RASA3: variants seen among roughly 807,000 people sequenced by gnomAD.
RASA3 encodes the protein ras GTPase-activating protein 3.
A neutral mutation model predicts 110.0 loss-of-function variants in RASA3; 73 were observed. That is an observed-to-expected ratio of 0.66 (90% CI 0.55 to 0.81). The LOEUF (loss-of-function observed/expected upper bound fraction) is 0.81. Among genes scored for constraint, RASA3 ranks in the 30% least tolerant of loss-of-function variants. The pLI is 0.00. For synonymous variants in RASA3, 500 were observed against 451.4 expected (o/e 1.11, Z -1.37); for missense variants, 976 against 1,113.2 (o/e 0.88, Z 1.75).
chr13:114,007,904 G>A (rs571220057), intron 17 of RASA3, among the ~76,000 whole-genome samples: 8 of 152,350 alleles, frequency 5.3e-5, no homozygotes, highest in East Asian at 1.9e-4. Flanking sequence ...TCTGGGTCCC[G>A]GTAGTGAGGA....
At chr13:113,993,822 A>AAAG (rs1555324870) in intron 21 of RASA3, among the ~76,000 whole-genome samples, 28 of 146,228 alleles carry the variant, frequency 1.9e-4, no homozygotes, top group African/African-American at 6.8e-4. Context: ...AAAAAAAAAA[A>AAAG]AAAAAAAAAG....
rs145101424 is a variant in RASA3 at position 113,977,912 on chromosome 13, G to C, written c.*1435C>G. 5.8e-3 allele frequency: 880 copies of C among 152,472 alleles called. 24 individuals are homozygous for C. The highest frequency in any genetic ancestry group is 0.057 in the East Asian group (297 of 5,194). 9.4% of individuals were successfully genotyped at this position (152,472 alleles called of 1,614,324 possible). On this transcript the variant is annotated 3_prime_UTR_variant, in exon 24 of 24. Coordinates refer to ENST00000334062, the MANE Select transcript of RASA3 (RefSeq NM_007368.4). Reference sequence around the variant, plus strand: ...GCAGCTCAGTGCAGCCCCAACAGCTGTGTGTCCAAAAGTCTATTTTTACAA... The same window carrying C: ...GCAGCTCAGTGCAGCCCCAACAGCTCTGTGTCCAAAAGTCTATTTTTACAA...
At chr13:114,039,888 C>T (rs1367604965) in intron 4 of RASA3, among the ~76,000 whole-genome samples, 1 of 152,204 alleles carries the variant, frequency 6.6e-6, no homozygotes, top group Non-Finnish European at 1.5e-5. Context: ...TCCCGGCAAG[C>T]CAGGGTGAGC....
chr13:114,046,826 C>T (rs977343330), intron 3 of RASA3, among the ~76,000 whole-genome samples: 3 of 152,172 alleles, frequency 2.0e-5, no homozygotes, highest in Admixed American at 6.5e-5. Context: ...AAGTCATCAA[C>T]GGAGGAAGGG....
intron 3 of RASA3, among the ~76,000 whole-genome samples, chr13:114,051,444 G>A (rs2079145069): frequency 6.6e-6 from 1 of 152,208 alleles, no homozygotes; most frequent in African/African-American, 2.4e-5. Flanking sequence ...GGAGCTCCCC[G>A]AGTAACCTGA....
Position 114,112,726 on chromosome 13 carries a change from A to G in RASA3, c.55+19709T>C, listed in dbSNP as rs1280918175. ...GTGGCCAGCGTGGTCCTCCTTTCCCACAGCCAAGGTGCCCCGACTGCCAGC... is the reference window on the plus strand; with the variant it reads ...GTGGCCAGCGTGGTCCTCCTTTCCCGCAGCCAAGGTGCCCCGACTGCCAGC... On this transcript the variant is annotated intron_variant, in intron 1 of 23. Transcript: ENST00000334062. The surrounding 1 kb of genome is among the most constrained non-coding windows in gnomAD (Gnocchi z 4.8). 6.6e-6 allele frequency among the ~76,000 whole-genome samples: 1 copy of G among 151,842 alleles called. No individual in the cohort carries two copies. Among genetic ancestry groups the G allele is most frequent in the East Asian group, 1.9e-4 (1 of 5,142 alleles).
At chr13:114,010,694 G>A (rs564441733) in intron 16 of RASA3, among the ~76,000 whole-genome samples, 4 of 29,960 alleles carry the variant, frequency 1.3e-4, no homozygotes, top group African/African-American at 4.8e-4. Flanking sequence ...GGGAGGAGGG[G>A]GCTGCATGGG....
At chr13:114,041,117 T>G (rs770238161) in intron 3 of RASA3, 23 bp from the exon 4 acceptor site, 2 of 1,602,352 alleles carry the variant, frequency 1.2e-6, no homozygotes, top group Non-Finnish European at 1.7e-6. Flanking sequence ...CAGAGAAGAC[T>G]TCACCACGGG....
chr13:114,009,231 GCTGT>G (rs1418331050), intron 17 of RASA3, among the ~76,000 whole-genome samples, 152 bp downstream of exon 17: 28 of 152,224 alleles, frequency 1.8e-4, no homozygotes, highest in African/African-American at 6.3e-4. Context: ...TTGGGACAAG[GCTGT>G]CTGGACAGCG....
intron 1 of RASA3, among the ~76,000 whole-genome samples, chr13:114,106,046 G>T (rs1594462306): frequency 6.6e-6 from 1 of 152,352 alleles, no homozygotes; most frequent in Non-Finnish European, 1.5e-5. Flanking sequence ...GGGAGGAAGA[G>T]GATGACCGGG....
At chr13:114,018,285 C>T (rs758832814) in intron 10 of RASA3, 33 bp from the exon 11 acceptor site, 36 of 1,539,426 alleles carry the variant, frequency 2.3e-5, no homozygotes, top group Admixed American at 8.0e-5. Flanking sequence ...TGCCAGGGCC[C>T]GGGGTGCAGG....
Position 114,073,754 on chromosome 13 carries a change from C to CA in RASA3, c.138_139insT (p.Val47CysfsTer22). 1 of 1,614,222 alleles carries CA rather than the reference C, an allele frequency of 6.2e-7. No homozygotes were observed. Among genetic ancestry groups the CA allele is most frequent in the Non-Finnish European group, 8.5e-7 (1 of 1,180,038 alleles). Reference sequence around the variant, plus strand: ...TTTTCCACAATTTTGGTCCTGAAAACCTCCTCCTGGTCCAGGTTCACCGTG... The same window carrying CA: ...TTTTCCACAATTTTGGTCCTGAAAACACTCCTCCTGGTCCAGGTTCACCGTG... On this transcript the variant is annotated frameshift_variant, in exon 2 of 24. Transcript: ENST00000334062. LOFTEE classifies it high-confidence loss of function.
chr13:114,005,149 A>C (rs1305805763), intron 18 of RASA3, among the ~76,000 whole-genome samples: 1 of 152,184 alleles, frequency 6.6e-6, no homozygotes, highest in Non-Finnish European at 1.5e-5. Context: ...CGGGAGAGGA[A>C]TGAGAAATTA....
intron 1 of RASA3, among the ~76,000 whole-genome samples, chr13:114,078,711 C>G (rs2139687165): frequency 6.6e-6 from 1 of 152,378 alleles, no homozygotes; most frequent in African/African-American, 2.4e-5. Flanking sequence ...AGGCCCTGAT[C>G]CAAAGCGTCA....
chr13:114,012,124 C>T (rs1348652507), intron 15 of RASA3, among the ~76,000 whole-genome samples: 2 of 151,928 alleles, frequency 1.3e-5, no homozygotes, highest in African/African-American at 2.4e-5. Flanking sequence ...GATGATACGC[C>T]GATCATCAAT....
chr13:114,021,074 A>G (rs1036809200), intron 9 of RASA3, among the ~76,000 whole-genome samples: 1 of 151,534 alleles, frequency 6.6e-6, no homozygotes, highest in Admixed American at 6.6e-5. Flanking sequence ...TCAGGGTCCC[A>G]CTTTCACCCA....
chr13:114,002,503 G>T (rs1015092110), intron 18 of RASA3, among the ~76,000 whole-genome samples: 13 of 152,132 alleles, frequency 8.5e-5, no homozygotes, highest in East Asian at 1.9e-4. Flanking sequence ...GTTGGGGGGG[G>T]ACTGGGAGCT....
intron 3 of RASA3, among the ~76,000 whole-genome samples, chr13:114,042,284 C>T (rs1360312263): frequency 6.6e-6 from 1 of 152,226 alleles, no homozygotes; most frequent in Non-Finnish European, 1.5e-5. Context: ...CAGTGGCCTC[C>T]GCACACTGCG....
At position 114,018,582 on chromosome 13, in the gene RASA3, C is replaced by T. The variant is rs534470418; in HGVS notation, c.942+181G>A. On this transcript the variant is annotated intron_variant, in intron 10 of 23. Transcript: ENST00000334062. ...AGGCTCCCACGGCTCTAACTGTCGA[C>T]GGACCAGTGCCCCCAGCAAAGGGGT... is the stretch of plus-strand genomic sequence containing the variant. 8.5e-5 allele frequency among the ~76,000 whole-genome samples: 13 copies of T among 152,290 alleles called. No homozygotes were observed. In the South Asian group the frequency reaches 1.9e-3, roughly 22 times the overall value.
Sources: allele counts gnomAD v4.1 joint callset (sites outside exome capture counted in the v4.1 genomes callset), GRCh38; gene constraint gnomAD v4.1.1; non-coding constraint Gnocchi (gnomAD v3.1); transcripts MANE v1.5; gene names NCBI Gene and HGNC (gene_info 2026-07-23, HGNC 2026-07-21).